Variants in GUCA1B observed in about 807,000 individuals in gnomAD.
The protein encoded by GUCA1B is guanylyl cyclase-activating protein 2.
In GUCA1B, 22 loss-of-function variants were observed where a neutral mutation model predicts 24.2. The observed-to-expected ratio is 0.91, with a 90% confidence interval of 0.65 to 1.30. GUCA1B has a LOEUF of 1.30. GUCA1B is among the 50% of genes most tolerant of loss of function. The probability of loss-of-function intolerance (pLI) is 0.00; values close to 1 mark genes in which losing one functional copy is unlikely to be tolerated. For synonymous variants in GUCA1B, 100 were observed against 97.9 expected, an observed-to-expected ratio of 1.02 and a Z score of -0.13; for missense variants, 221 against 258.8, an observed-to-expected ratio of 0.85 and a Z score of 1.00.
chr6:42,190,975 A>G (rs1768294623), intron 1 of GUCA1B, among the ~76,000 whole-genome samples: 1 of 152,108 alleles, frequency 6.6e-6, no homozygotes, highest in Admixed American at 6.5e-5. Context: ...TCTCTAGACA[A>G]GTGATCTCAT....
chr6:42,194,524 A>G (rs931522251), intron 1 of GUCA1B, 90 bp downstream of exon 1: 4 of 810,060 alleles, frequency 4.9e-6, no homozygotes, highest in Non-Finnish European at 8.9e-6. Context: ...AGAGCCGAGG[A>G]GTGGGGAACT....
Position 42,183,799 on chromosome 6 carries a change from G to C in GUCA1B, c.*1016C>G, listed in dbSNP as rs532891332. On this transcript the variant is annotated 3_prime_UTR_variant, in exon 4 of 4. Coordinates refer to ENST00000230361, the MANE Select transcript of GUCA1B (RefSeq NM_002098.6). ...GGAGTTGTGGAAGGTCCATACTGGG[G>C]GATATGGATGGAAAGAGAGGATTGT... is the stretch of plus-strand genomic sequence containing the variant. 6.6e-6 allele frequency among the ~76,000 whole-genome samples: 1 copy of C among 152,164 alleles called. No homozygotes were observed. The highest frequency in any genetic ancestry group is 1.5e-5 in the Non-Finnish European group (1 of 68,030).
chr6:42,186,217 T>C (rs1209171311), intron 2 of GUCA1B, among the ~76,000 whole-genome samples: 2 of 152,216 alleles, frequency 1.3e-5, no homozygotes, highest in African/African-American at 4.8e-5. Flanking sequence ...GGGATACACA[T>C]GTTCCCTCCT....
intron 1 of GUCA1B, among the ~76,000 whole-genome samples, chr6:42,193,587 G>C (rs1768346370): frequency 6.6e-6 from 1 of 152,224 alleles, no homozygotes; most frequent in South Asian, 2.1e-4. Context: ...GGAGCGCTGA[G>C]AAGTCCGAAA....
At chr6:42,189,881 T>C (rs1768272904) in intron 1 of GUCA1B, among the ~76,000 whole-genome samples, 1 of 152,234 alleles carries the variant, frequency 6.6e-6, no homozygotes, top group Non-Finnish European at 1.5e-5. Context: ...GGGTTAGCTG[T>C]GCTAGTGTCT....
chr6:42,184,545 A>T lies in GUCA1B; in HGVS notation c.*270T>A. 1 of 477,634 alleles carries T rather than the reference A, an allele frequency of 2.1e-6. No individual in the cohort carries two copies. Among genetic ancestry groups the T allele is most frequent in the Non-Finnish European group, 3.9e-6 (1 of 257,292 alleles). The allele number at this position is 477,634 out of a possible 1,614,324, so 29.6% of individuals were successfully genotyped here. ...CAGAAACTGTGGGAGCCCCACAACC[A>T]CCCAGCCAAGGCACAGTCCTCCCAG... On this transcript the variant is annotated 3_prime_UTR_variant, in exon 4 of 4. Transcript: ENST00000230361.
At chr6:42,187,615 G>A (rs1768218364) in intron 2 of GUCA1B, among the ~76,000 whole-genome samples, 1 of 151,326 alleles carries the variant, frequency 6.6e-6, no homozygotes, top group Admixed American at 6.6e-5. Flanking sequence ...TAGAGATGGG[G>A]TCTTACTATG....
chr6:42,184,949 A>G lies in GUCA1B; in HGVS notation c.476-7T>C. The G allele has an allele frequency of 6.2e-7, 1 of 1,614,010 alleles. No individual in the cohort carries two copies. The highest frequency in any genetic ancestry group is 8.5e-7 in the Non-Finnish European group (1 of 1,179,916). ...TCGTTCAGAGACAGCTGGCCTGAGC[A>G]AGGGGGAGGAGAGGTGGTCATGTAG... On this transcript the variant is annotated splice_region_variant and splice_polypyrimidine_tract_variant and intron_variant, in intron 3 of 3. Coordinates refer to ENST00000230361, the MANE Select transcript of GUCA1B (RefSeq NM_002098.6).
intron 1 of GUCA1B, among the ~76,000 whole-genome samples, chr6:42,193,727 G>A (rs554159489): frequency 2.0e-5 from 3 of 152,294 alleles, no homozygotes; most frequent in East Asian, 3.9e-4. Flanking sequence ...TGGTACCAGC[G>A]ACAGGATGAG....
intron 1 of GUCA1B, among the ~76,000 whole-genome samples, chr6:42,192,527 C>T (rs141800416): frequency 2.2e-4 from 34 of 152,110 alleles, no homozygotes; most frequent in Non-Finnish European, 4.0e-4. Flanking sequence ...GTCTGGTCAA[C>T]ATGGTGAAAC....
intron 2 of GUCA1B, among the ~76,000 whole-genome samples, chr6:42,187,338 T>C (rs1768211096): frequency 6.6e-6 from 1 of 152,014 alleles, no homozygotes; most frequent in Admixed American, 6.6e-5. Context: ...TCTCCTGACC[T>C]CGTGATCTTC....
intron 2 of GUCA1B, among the ~76,000 whole-genome samples, chr6:42,186,701 G>A (rs1046303795): frequency 1.3e-5 from 2 of 152,162 alleles, no homozygotes; most frequent in Non-Finnish European, 2.9e-5. Context: ...CAGAAGCTGC[G>A]TCTTATGCAC....
intron 1 of GUCA1B, among the ~76,000 whole-genome samples, chr6:42,192,744 T>C (rs1768332683): frequency 6.6e-6 from 1 of 151,566 alleles, no homozygotes; most frequent in African/African-American, 2.4e-5. Context: ...ATACAAAAAT[T>C]AGCAGGCATG....
rs1262679015 is a variant in GUCA1B, at chr6:42,194,822, C to G, written c.-2G>C. 6.4e-7 allele frequency: 1 copy of G among 1,558,438 alleles called. No individual in the cohort carries two copies. Among genetic ancestry groups the G allele is most frequent in the Admixed American group, 1.9e-5 (1 of 51,426 alleles). ...CTCCCAGCTAAACTCCTGCCCCATG[C>G]TAGCCCTGAGGAGCATCAGGGAGCA... On this transcript the variant is annotated 5_prime_UTR_variant, in exon 1 of 4. Coordinates refer to ENST00000230361, the MANE Select transcript of GUCA1B (RefSeq NM_002098.6).
chr6:42,191,139 G>A (rs372022270), intron 1 of GUCA1B, among the ~76,000 whole-genome samples: 9 of 152,118 alleles, frequency 5.9e-5, no homozygotes, highest in Non-Finnish European at 1.5e-5. Flanking sequence ...TAGGATGGGC[G>A]TGTCACCGGC....
intron 1 of GUCA1B, among the ~76,000 whole-genome samples, chr6:42,191,758 TGGCAGATACC>T (rs1768308349): frequency 1.3e-5 from 2 of 152,144 alleles, no homozygotes; most frequent in Non-Finnish European, 2.9e-5. Flanking sequence ...TGTTGAAACA[TGGCAGATACC>T]ACCTTAACCA....
chr6:42,190,352 T>G (rs1034371198), intron 1 of GUCA1B, among the ~76,000 whole-genome samples: 3 of 136,682 alleles, frequency 2.2e-5, no homozygotes, highest in African/African-American at 8.4e-5. Context: ...AGTTAAAATG[T>G]CAACTTCCAT....
Position 42,188,042 on chromosome 6 carries a change from C to T in GUCA1B, c.357+540G>A, listed in dbSNP as rs563716116. 1.0e-3 allele frequency among the ~76,000 whole-genome samples: 157 copies of T among 151,190 alleles called. 1 individual carries two copies. The highest frequency in any genetic ancestry group is 3.6e-3 in the African/African-American group (150 of 41,194). Reference sequence around the variant, plus strand: ...TAATTTTTTTGTAGAGATGGGGTCTCGCTTTGTTTTCCAGGTTGTTCTTGA... The same window carrying T: ...TAATTTTTTTGTAGAGATGGGGTCTTGCTTTGTTTTCCAGGTTGTTCTTGA... On this transcript the variant is annotated intron_variant, in intron 2 of 3. Transcript: ENST00000230361.
chr6:42,186,016 C>T (rs777390670), intron 2 of GUCA1B, among the ~76,000 whole-genome samples: 1 of 152,182 alleles, frequency 6.6e-6, no homozygotes, highest in Non-Finnish European at 1.5e-5. Flanking sequence ...GCCTCACACC[C>T]CACCTGACCC....
Sources: allele counts gnomAD v4.1 joint callset (sites outside exome capture counted in the v4.1 genomes callset), GRCh38; gene constraint gnomAD v4.1.1; transcripts MANE v1.5; gene names NCBI Gene and HGNC (gene_info 2026-07-23, HGNC 2026-07-21).